Variants in NPAS3 observed in about 807,000 individuals in gnomAD.
The protein encoded by NPAS3 is neuronal PAS domain-containing protein 3.
NPAS3 carries 14 observed loss-of-function variants against 73.1 expected under a neutral mutation model. The observed-to-expected ratio is 0.19, with a 90% CI of 0.13 to 0.30. NPAS3 has a LOEUF of 0.30. Ranked by LOEUF, NPAS3 falls within the 10% of genes least tolerant of loss-of-function variation. The pLI is 1.00. For missense variants in NPAS3, 1,096 were observed against 1,250.0 expected, an observed-to-expected ratio of 0.88 and a Z score of 1.86; for synonymous variants, 620 against 541.5, an observed-to-expected ratio of 1.14 and a Z score of -2.01.
chr14:33,527,216 G>A (rs1367143376), intron 4 of NPAS3, among the ~76,000 whole-genome samples: 2 of 152,092 alleles, frequency 1.3e-5, no homozygotes, highest in Non-Finnish European at 2.9e-5. Context: ...AATACTGAGG[G>A]CATGAGCCCT....
At chr14:33,432,643 A>G (rs1381262598) in intron 4 of NPAS3, among the ~76,000 whole-genome samples, 1 of 152,166 alleles carries the variant, frequency 6.6e-6, no homozygotes, top group Non-Finnish European at 1.5e-5. Context: ...GCACGCATAT[A>G]TTTATATATG....
intron 4 of NPAS3, among the ~76,000 whole-genome samples, chr14:33,390,755 G>T (rs1288121022): frequency 6.6e-6 from 1 of 152,058 alleles, no homozygotes; most frequent in Non-Finnish European, 1.5e-5. Context: ...ATGCATCTGT[G>T]CTTGTGTGTT....
intron 9 of NPAS3, among the ~76,000 whole-genome samples, chr14:33,784,942 G>A (rs2063122498): frequency 6.7e-6 from 1 of 150,342 alleles, no homozygotes; most frequent in African/African-American, 2.4e-5. Context: ...TAGGGACGGA[G>A]TTTCTCCATG....
At chr14:33,367,142 T>G in intron 3 of NPAS3, 44 bp from the exon 4 acceptor site, 1 of 796,440 alleles carries the variant, frequency 1.3e-6, no homozygotes, top group Non-Finnish European at 2.1e-6. Context: ...GAATCAGAGC[T>G]CCAACTTAAT....
intron 1 of NPAS3, among the ~76,000 whole-genome samples, chr14:32,959,110 CTTGTTTGCT>C (rs2036801790): frequency 6.6e-6 from 1 of 152,186 alleles, no homozygotes; most frequent in Non-Finnish European, 1.5e-5. Flanking sequence ...TGATGTAAGT[CTTGTTTGCT>C]TTGACCAGTG....
intron 1 of NPAS3, among the ~76,000 whole-genome samples, chr14:33,031,964 G>A (rs143062116): frequency 4.3e-4 from 65 of 152,336 alleles, no homozygotes; most frequent in African/African-American, 1.4e-3. Flanking sequence ...CCAAATAAAT[G>A]CCAGCATAGA....
intron 5 of NPAS3, among the ~76,000 whole-genome samples, chr14:33,576,281 CT>C (rs1476005647): frequency 6.6e-6 from 1 of 152,132 alleles, no homozygotes; most frequent in African/African-American, 2.4e-5. Flanking sequence ...TTTTTCATCC[CT>C]TTCAGTTCCA....
chr14:33,022,944 G>A (rs2039664418), intron 1 of NPAS3, among the ~76,000 whole-genome samples: 1 of 152,144 alleles, frequency 6.6e-6, no homozygotes, highest in Admixed American at 6.5e-5. Context: ...TTGCCTTTCT[G>A]AGTGCAGACA....
chr14:33,750,754 T>C (rs1472035825), intron 7 of NPAS3, among the ~76,000 whole-genome samples: 1 of 152,182 alleles, frequency 6.6e-6, no homozygotes, highest in Non-Finnish European at 1.5e-5. Flanking sequence ...AAGACAAAGA[T>C]GGATAAAACA....
chr14:33,217,652 C>G (rs999843863), intron 3 of NPAS3, among the ~76,000 whole-genome samples: 3 of 152,110 alleles, frequency 2.0e-5, no homozygotes, highest in African/African-American at 7.2e-5. Flanking sequence ...GCAGTCATGG[C>G]TACCAAAGTA....
At chr14:33,453,027 A>G (rs921032508) in intron 4 of NPAS3, among the ~76,000 whole-genome samples, 1 of 152,106 alleles carries the variant, frequency 6.6e-6, no homozygotes, top group Non-Finnish European at 1.5e-5. Context: ...AAATGACATG[A>G]TCGTAGGTGA....
intron 1 of NPAS3, among the ~76,000 whole-genome samples, chr14:33,050,243 G>A (rs1388849527): frequency 6.6e-6 from 1 of 152,172 alleles, no homozygotes; most frequent in East Asian, 1.9e-4. Context: ...CTCCTAACTA[G>A]ATTTGGCCAG....
intron 5 of NPAS3, among the ~76,000 whole-genome samples, chr14:33,670,998 A>G (rs1194025464): frequency 6.6e-6 from 1 of 151,180 alleles, no homozygotes; most frequent in African/African-American, 2.4e-5. Flanking sequence ...GACCCTTTCT[A>G]TTGATAAAAA....
chr14:33,238,688 G>A (rs964577430), intron 3 of NPAS3, among the ~76,000 whole-genome samples: 2 of 151,986 alleles, frequency 1.3e-5, no homozygotes, highest in Admixed American at 1.3e-4. Context: ...AAGGCTGTAA[G>A]GAAATTCTTC....
At chr14:33,303,462 A>G (rs1310467592) in intron 3 of NPAS3, among the ~76,000 whole-genome samples, 1 of 152,188 alleles carries the variant, frequency 6.6e-6, no homozygotes, top group East Asian at 1.9e-4. Context: ...CAGCCAGCAA[A>G]TATTACATTT....
At chr14:33,352,712 A>C (rs1396619538) in intron 3 of NPAS3, among the ~76,000 whole-genome samples, 1 of 152,234 alleles carries the variant, frequency 6.6e-6, no homozygotes, top group Non-Finnish European at 1.5e-5. Context: ...TCTTTGATGG[A>C]TATTGTAGAG....
At position 33,594,430 on chromosome 14, in the gene NPAS3, A is replaced by G. The variant is rs140340924; in HGVS notation, c.558+34220A>G. ...TATCTCAATTTATGGTCTCAAACAA[A>G]TCTTTTCAAAAGAAAGTCTCAGGAT... On this transcript the variant is annotated intron_variant, in intron 5 of 11. Coordinates refer to ENST00000356141, the Ensembl canonical transcript of NPAS3. 3.3e-5 allele frequency among the ~76,000 whole-genome samples: 5 copies of G among 152,320 alleles called. No individual in the cohort carries two copies. In the East Asian group the frequency reaches 9.6e-4, roughly 29 times the overall value.
chr14:33,123,967 T>C (rs1381695980), intron 2 of NPAS3, among the ~76,000 whole-genome samples: 1 of 151,634 alleles, frequency 6.6e-6, no homozygotes, highest in Non-Finnish European at 1.5e-5. Context: ...CTCAGGTTGT[T>C]CTCGTGCCTC....
intron 5 of NPAS3, among the ~76,000 whole-genome samples, chr14:33,597,443 A>T (rs2057276975): frequency 1.3e-5 from 2 of 152,246 alleles, no homozygotes; most frequent in Non-Finnish European, 2.9e-5. Context: ...GGGAACATAA[A>T]GAGTAATTTT....
Sources: allele counts gnomAD v4.1 joint callset (sites outside exome capture counted in the v4.1 genomes callset), GRCh38; gene constraint gnomAD v4.1.1; transcripts MANE v1.5; gene names NCBI Gene and HGNC (gene_info 2026-07-23, HGNC 2026-07-21).